Variants in PRPSAP1 observed in about 807,000 individuals in gnomAD.
The protein encoded by PRPSAP1 is phosphoribosyl pyrophosphate synthase-associated protein 1.
A neutral mutation model predicts 39.4 loss-of-function variants in PRPSAP1; 31 were observed. The observed-to-expected ratio is 0.79, with a 90% confidence interval of 0.59 to 1.06. The LOEUF is 1.06. PRPSAP1 is among the 50% of genes least tolerant of loss of function. The probability of loss-of-function intolerance (pLI) is 0.00; values close to 1 mark genes in which losing one functional copy is unlikely to be tolerated. For missense variants in PRPSAP1, 430 were observed against 511.6 expected (o/e 0.84, Z 1.54); for synonymous variants, 212 against 192.6 (o/e 1.10, Z -0.83).
chr17:76,332,734 G>A (rs2143505611), intron 3 of PRPSAP1, among the ~76,000 whole-genome samples: 1 of 152,264 alleles, frequency 6.6e-6, no homozygotes, highest in Non-Finnish European at 1.5e-5. Context: ...AGCAACTGCT[G>A]GTGACCAGAG....
At chr17:76,313,701 G>A in intron 8 of PRPSAP1, 120 bp downstream of exon 8, 1 of 1,116,460 alleles carries the variant, frequency 9.0e-7, no homozygotes, top group Admixed American at 2.0e-5. Context: ...GAGTTTGGGT[G>A]AGAAAGGATA....
At chr17:76,345,566 G>T (rs548167290) in intron 2 of PRPSAP1, among the ~76,000 whole-genome samples, 2 of 149,390 alleles carry the variant, frequency 1.3e-5, no homozygotes, top group African/African-American at 5.0e-5. Context: ...AGCTGAAACT[G>T]TGCCACTGCA....
rs1403652631 is a variant in PRPSAP1 at position 76,313,011 on chromosome 17, G to A, written c.858C>T (p.Asp286=). 1.2e-6 allele frequency: 2 copies of A among 1,613,642 alleles called. No homozygotes were observed. The highest frequency in any genetic ancestry group is 1.7e-5 in the Admixed American group (1 of 59,924). The part of the protein sequence containing the change: ...VGGRIAIIVD[D]IIDDVESFVA... ...CAAAACTCTCCACATCGTCAATAAT[G>A]TCATCCTGGGAGGAGAACAGAGTGA... The change falls in exon 9 of 10, where the codon GAC becomes GAT. Residue 286 remains aspartate (D), a synonymous_variant. Coordinates refer to ENST00000446526, the MANE Select transcript of PRPSAP1 (RefSeq NM_002766.3).
chr17:76,345,237 TAAA>T (rs59693380), intron 2 of PRPSAP1, among the ~76,000 whole-genome samples: 12 of 62,200 alleles, frequency 1.9e-4, no homozygotes, highest in South Asian at 6.1e-4. Flanking sequence ...TCCGTCTCAT[TAAA>T]AAAAAAAAAA....
At position 76,330,455 on chromosome 17, in the gene PRPSAP1, A is replaced by G. The variant is rs370394996; in HGVS notation, c.579+96T>C. 6.5e-6 allele frequency: 6 copies of G among 916,154 alleles called. No individual in the cohort carries two copies. In the African/African-American group the frequency reaches 8.4e-5, roughly 13 times the overall value. The allele number at this position is 916,154 out of a possible 1,614,324, so 56.8% of individuals were successfully genotyped here. ...GGCATTGTGACTTAAGGGAGAGCTCATTTGATGTGCCTTCCAGTAACGAAA... is the reference window on the plus strand; with the variant it reads ...GGCATTGTGACTTAAGGGAGAGCTCGTTTGATGTGCCTTCCAGTAACGAAA... On this transcript the variant is annotated intron_variant, in intron 5 of 9. Coordinates refer to ENST00000446526, the MANE Select transcript of PRPSAP1 (RefSeq NM_002766.3).
At chr17:76,329,074 A>C in intron 6 of PRPSAP1, 1 of 360,164 alleles carries the variant, frequency 2.8e-6, no homozygotes, top group Non-Finnish European at 4.8e-6. Flanking sequence ...GATTCTAGAC[A>C]TTTTTTTTTT....
At chr17:76,350,252 A>C (rs2071553396) in intron 1 of PRPSAP1, among the ~76,000 whole-genome samples, 1 of 151,880 alleles carries the variant, frequency 6.6e-6, no homozygotes, top group Non-Finnish European at 1.5e-5. Context: ...ACCCTGGCTA[A>C]CACGGTGAAA....
At chr17:76,311,812 C>A in intron 9 of PRPSAP1, 112 bp from the exon 10 acceptor site, 1 of 1,261,782 alleles carries the variant, frequency 7.9e-7, no homozygotes, top group Non-Finnish European at 1.1e-6. Context: ...TTCCAAACTA[C>A]AAAACCTTGT....
chr17:76,316,340 G>GA (rs1229179043), intron 7 of PRPSAP1, among the ~76,000 whole-genome samples: 1 of 152,064 alleles, frequency 6.6e-6, no homozygotes, highest in East Asian at 1.9e-4. Flanking sequence ...AGTTTCGCAT[G>GA]AAAAACCTAG....
chr17:76,314,215 T>C (rs8071949), intron 7 of PRPSAP1: 2 of 290,024 alleles, frequency 6.9e-6, no homozygotes, highest in Admixed American at 4.6e-5. Flanking sequence ...TATGTATGTA[T>C]GTATGTATGT....
intron 2 of PRPSAP1, among the ~76,000 whole-genome samples, chr17:76,348,104 T>C (rs2071529733): frequency 6.6e-6 from 1 of 152,034 alleles, no homozygotes; most frequent in African/African-American, 2.4e-5. Context: ...GGAAGACTGC[T>C]TGAGCTCAGA....
chr17:76,318,099 A>G (rs60822446), intron 7 of PRPSAP1, among the ~76,000 whole-genome samples: 11,210 of 152,126 alleles, frequency 0.074, 763 homozygotes, highest in African/African-American at 0.18. Context: ...ATCTCCAGAC[A>G]TTGCCAAATA....
chr17:76,330,489 C>A, intron 5 of PRPSAP1, 62 bp downstream of exon 5: 1 of 1,283,554 alleles, frequency 7.8e-7, no homozygotes, highest in Middle Eastern at 1.9e-4. Flanking sequence ...AATCTGATAC[C>A]AGAGAAAAAC....
In PRPSAP1 at chr17:76,328,716, C is replaced by T; in HGVS notation, c.781+1G>A. On this transcript the variant is annotated splice_donor_variant, in intron 7 of 9. Coordinates refer to ENST00000446526, the MANE Select transcript of PRPSAP1 (RefSeq NM_002766.3). LOFTEE classifies it high-confidence loss of function. ...AAATAAAAACACAGAGCTCATCTTA[C>T]ATGGCAACTCCAGGCCTGGGTGCAC... The T allele has an allele frequency of 6.2e-7, 1 of 1,612,634 alleles. No individual in the cohort carries two copies. Among genetic ancestry groups the T allele is most frequent in the Non-Finnish European group, 8.5e-7 (1 of 1,179,584 alleles).
intron 6 of PRPSAP1, 96 bp from the exon 7 acceptor site, chr17:76,328,958 T>C (rs1468898410): frequency 7.3e-7 from 1 of 1,366,776 alleles, no homozygotes; most frequent in Non-Finnish European, 9.9e-7. Context: ...ATATTTAACG[T>C]TTCAGGGACA....
At position 76,309,730 on chromosome 17, in the gene PRPSAP1, T is replaced by C. The variant is rs1381878781; in HGVS notation, c.*1812A>G. The C allele has an allele frequency of 2.6e-5, 4 of 152,190 alleles. No individual in the cohort carries two copies. The highest frequency in any genetic ancestry group is 5.9e-5 in the Non-Finnish European group (4 of 68,044). The allele number at this position is 152,190 out of a possible 1,614,324, so 9.4% of individuals were successfully genotyped here. On this transcript the variant is annotated 3_prime_UTR_variant, in exon 10 of 10. Transcript: ENST00000446526. ...TATTACAAGTCATCCAGGATGTGCA[T>C]AGCTTATATGCAGATACTACACCAT...
intron 1 of PRPSAP1, among the ~76,000 whole-genome samples, chr17:76,349,634 G>T (rs1051405411): frequency 1.4e-5 from 2 of 143,874 alleles, no homozygotes; most frequent in African/African-American, 2.6e-5. Context: ...GGTGGCGAGC[G>T]TCTATAATCC....
intron 3 of PRPSAP1, among the ~76,000 whole-genome samples, chr17:76,332,729 C>A (rs1397980342): frequency 1.3e-5 from 2 of 152,192 alleles, no homozygotes; most frequent in East Asian, 3.9e-4. Flanking sequence ...TCTGAAGCAA[C>A]TGCTGGTGAC....
At chr17:76,339,558 GCC>G (rs1177072166) in intron 3 of PRPSAP1, among the ~76,000 whole-genome samples, 1 of 151,682 alleles carries the variant, frequency 6.6e-6, no homozygotes, top group African/African-American at 2.4e-5. Flanking sequence ...CAGAGAAAAT[GCC>G]AGGTGATGAT....
Sources: gnomAD v4.1 joint callset for allele counts (sites outside exome capture counted in the v4.1 genomes callset) on GRCh38, gnomAD v4.1.1 for gene constraint, MANE v1.5 for transcripts, NCBI Gene and HGNC (gene_info 2026-07-23, HGNC 2026-07-21) for gene names.